TMTC2: variants seen among roughly 807,000 people sequenced by gnomAD.
TMTC2 encodes the protein protein O-mannosyl-transferase TMTC2.
Under a neutral mutation model 82.4 loss-of-function variants are expected in TMTC2, and 43 were observed. The ratio of observed to expected loss-of-function variants is 0.52; its 90% CI spans 0.41 to 0.67. TMTC2 has a LOEUF of 0.67. TMTC2 is among the 30% of genes least tolerant of loss of function. The pLI is 0.00. For synonymous variants in TMTC2, 408 were observed against 381.9 expected, an observed-to-expected ratio of 1.07 and a Z score of -0.80; for missense variants, 919 against 1,012.4, an observed-to-expected ratio of 0.91 and a Z score of 1.25.
At chr12:82,961,768 C>T (rs190288138) in intron 4 of TMTC2, among the ~76,000 whole-genome samples, 5 of 152,138 alleles carry the variant, frequency 3.3e-5, no homozygotes, top group African/African-American at 1.2e-4. Context: ...TCCTCCAGTA[C>T]AGTAATTTTC....
intron 7 of TMTC2, among the ~76,000 whole-genome samples, chr12:82,968,134 T>G (rs1878299076): frequency 6.6e-6 from 1 of 152,124 alleles, no homozygotes. Context: ...AAAATATTTA[T>G]TCCATGTCTC....
chr12:83,097,276 G>C (rs897539314), intron 11 of TMTC2, among the ~76,000 whole-genome samples: 1 of 152,136 alleles, frequency 6.6e-6, no homozygotes, highest in Non-Finnish European at 1.5e-5. Context: ...ATCATTAAGG[G>C]AAAATTGTTC....
chr12:83,108,414 G>T (rs1256692200), intron 11 of TMTC2, among the ~76,000 whole-genome samples: 15 of 152,142 alleles, frequency 9.9e-5, no homozygotes, highest in Admixed American at 5.2e-4. Flanking sequence ...GGCGGATCAT[G>T]AGGTCAAGAG....
intron 1 of TMTC2, among the ~76,000 whole-genome samples, chr12:82,838,493 T>C (rs1314456410): frequency 1.3e-5 from 2 of 152,244 alleles, no homozygotes; most frequent in African/African-American, 2.4e-5. Context: ...CACAGTTTAA[T>C]GTGCTAACAC....
At chr12:82,997,659 C>T (rs1269339774) in intron 8 of TMTC2, among the ~76,000 whole-genome samples, 1 of 150,840 alleles carries the variant, frequency 6.6e-6, no homozygotes, top group African/African-American at 2.4e-5. Flanking sequence ...TTACTACTGC[C>T]ATTATTTTAC....
chr12:82,937,748 GTGTATATATATATATATATA>G (rs1415722710), intron 4 of TMTC2, among the ~76,000 whole-genome samples: 10 of 92,364 alleles, frequency 1.1e-4, no homozygotes, highest in Non-Finnish European at 2.2e-4. Context: ...GTGTGTGTGT[GTGTATATATATATATATATA>G]TATATATATA....
chr12:83,080,869 C>T (rs912851924), intron 11 of TMTC2, among the ~76,000 whole-genome samples: 1 of 152,152 alleles, frequency 6.6e-6, no homozygotes, highest in African/African-American at 2.4e-5. Context: ...AACCCATCCC[C>T]CACCACATGG....
intron 1 of TMTC2, among the ~76,000 whole-genome samples, chr12:82,751,234 G>A (rs1314292911): frequency 6.6e-6 from 1 of 152,158 alleles, no homozygotes; most frequent in Non-Finnish European, 1.5e-5. Context: ...CATGTCCTTT[G>A]TAGGGACGTG....
intron 11 of TMTC2, among the ~76,000 whole-genome samples, chr12:83,120,018 G>A (rs1183160923): frequency 6.6e-6 from 1 of 152,050 alleles, no homozygotes; most frequent in African/African-American, 2.4e-5. Flanking sequence ...TTACCTATGT[G>A]AGTCCTGATG....
chr12:82,873,249 G>A (rs1592592083), intron 2 of TMTC2, among the ~76,000 whole-genome samples: 1 of 144,852 alleles, frequency 6.9e-6, no homozygotes, highest in Non-Finnish European at 1.5e-5. Flanking sequence ...GTGTGTGTGT[G>A]TAATTTTCCA....
At chr12:82,866,188 A>AC (rs1555192473) in intron 2 of TMTC2, among the ~76,000 whole-genome samples, 1 of 119,186 alleles carries the variant, frequency 8.4e-6, no homozygotes, top group East Asian at 3.7e-4. Flanking sequence ...AGATAGAGAC[A>AC]CAAAAAAAAC....
intron 4 of TMTC2, among the ~76,000 whole-genome samples, chr12:82,939,759 A>C (rs1269664891): frequency 6.6e-6 from 1 of 152,100 alleles, no homozygotes; most frequent in Non-Finnish European, 1.5e-5. Flanking sequence ...TGTTTCACCT[A>C]CTATGATATG....
Position 82,710,604 on chromosome 12 carries a change from G to T in TMTC2, c.83+22935G>T, listed in dbSNP as rs56991769. Reference sequence around the variant, plus strand: ...ATGATACATGAGTAATGAATTAAAAGAAATATTTAAAAGTTTTATATTTTA... The same window carrying T: ...ATGATACATGAGTAATGAATTAAAATAAATATTTAAAAGTTTTATATTTTA... On this transcript the variant is annotated intron_variant, in intron 1 of 11. Coordinates refer to ENST00000321196, the MANE Select transcript of TMTC2 (RefSeq NM_152588.3). 4.4e-3 allele frequency among the ~76,000 whole-genome samples: 668 copies of T among 152,312 alleles called. 6 individuals carry two copies. The highest frequency in any genetic ancestry group is 0.015 in the African/African-American group (640 of 41,558).
At chr12:82,932,794 A>G (rs1303159122) in intron 4 of TMTC2, among the ~76,000 whole-genome samples, 1 of 152,192 alleles carries the variant, frequency 6.6e-6, no homozygotes, top group East Asian at 1.9e-4. Context: ...TGTCTTATCC[A>G]ATAGTCCCTG....
In TMTC2 at chr12:83,030,671, CA is replaced by C. The variant is rs199856400; in HGVS notation, c.2071-122del. On this transcript the variant is annotated intron_variant, in intron 8 of 11. Transcript: ENST00000321196. ...TTGATCATCCTCACATAGATAAAAA[CA>C]AAAATTTTTTTTTTCCTTTCCTATG... is the stretch of plus-strand genomic sequence containing the variant. 7.4e-3 allele frequency: 4,259 copies of C among 577,994 alleles called. 21 individuals are homozygous for C. Among genetic ancestry groups the C allele is most frequent in the African/African-American group, 0.023 (1,237 of 54,180 alleles). 35.8% of individuals were successfully genotyped at this position (577,994 alleles called of 1,614,324 possible).
intron 1 of TMTC2, among the ~76,000 whole-genome samples, chr12:82,729,770 T>G (rs1046624125): frequency 1.3e-5 from 2 of 152,236 alleles, no homozygotes; most frequent in African/African-American, 4.8e-5. Context: ...TTTTCCGTGC[T>G]GTGGTAGCTT....
chr12:82,872,565 T>C (rs927832946), intron 2 of TMTC2, among the ~76,000 whole-genome samples: 4 of 152,206 alleles, frequency 2.6e-5, no homozygotes, highest in Admixed American at 6.5e-5. Context: ...CATTGCTTTA[T>C]ATGGGAAATA....
chr12:82,793,787 T>G (rs1378160142), intron 1 of TMTC2, among the ~76,000 whole-genome samples: 1 of 152,086 alleles, frequency 6.6e-6, no homozygotes, highest in Admixed American at 6.6e-5. Context: ...TCAGTTAGAT[T>G]TATTACACTG....
At chr12:82,846,323 A>G (rs1870675682) in intron 1 of TMTC2, among the ~76,000 whole-genome samples, 1 of 151,956 alleles carries the variant, frequency 6.6e-6, no homozygotes, top group Admixed American at 6.6e-5. Context: ...ATGTGACTGC[A>G]CTCCAGCCTG....
Sources: allele counts gnomAD v4.1 joint callset (sites outside exome capture counted in the v4.1 genomes callset), GRCh38; gene constraint gnomAD v4.1.1; transcripts MANE v1.5; gene names NCBI Gene and HGNC (gene_info 2026-07-23, HGNC 2026-07-21).